CAMKMT: variants seen among roughly 807,000 people sequenced by gnomAD.
CAMKMT encodes the protein calmodulin-lysine N-methyltransferase, also known as CaM KMT.
A neutral mutation model predicts 48.0 loss-of-function variants in CAMKMT; 53 were observed. That is an observed-to-expected ratio of 1.10 (90% CI 0.89 to 1.39). The LOEUF is 1.39. Among genes scored for constraint, CAMKMT ranks in the 40% most tolerant of loss-of-function variants. The probability of loss-of-function intolerance (pLI) is 0.00; values close to 1 mark genes in which losing one functional copy is unlikely to be tolerated. For synonymous variants in CAMKMT, 165 were observed against 152.3 expected (o/e 1.08, Z -0.61); for missense variants, 428 against 402.7 (o/e 1.06, Z -0.54).
At chr2:44,631,253 G>A (rs558240703) in intron 3 of CAMKMT, among the ~76,000 whole-genome samples, 82 of 152,230 alleles carry the variant, frequency 5.4e-4, no homozygotes, top group Admixed American at 2.1e-3. Context: ...GTTGTTGGGT[G>A]GGGGTAAGGG....
At chr2:44,768,272 G>C (rs1204024249) in intron 10 of CAMKMT, among the ~76,000 whole-genome samples, 1 of 151,038 alleles carries the variant, frequency 6.6e-6, no homozygotes, top group African/African-American at 2.4e-5. Context: ...GGTGGGGAGA[G>C]TGTAGAACCC....
At chr2:44,473,731 A>G (rs938876531) in intron 3 of CAMKMT, among the ~76,000 whole-genome samples, 7 of 152,242 alleles carry the variant, frequency 4.6e-5, no homozygotes, top group Non-Finnish European at 7.3e-5. Context: ...TTAATGTAGA[A>G]TAAGTATGGT....
intron 3 of CAMKMT, among the ~76,000 whole-genome samples, chr2:44,434,226 AT>A (rs35979525): frequency 1.1e-3 from 158 of 147,126 alleles, no homozygotes; most frequent in Admixed American, 1.1e-3. Flanking sequence ...TTTGTGAGGG[AT>A]TTTTTTTTTT....
At chr2:44,595,126 G>A (rs1349718465) in intron 3 of CAMKMT, among the ~76,000 whole-genome samples, 1 of 152,166 alleles carries the variant, frequency 6.6e-6, no homozygotes, top group African/African-American at 2.4e-5. Context: ...CAGTTAGAAT[G>A]GTGATCATTA....
At chr2:44,406,491 T>TTG (rs34091267) in intron 3 of CAMKMT, among the ~76,000 whole-genome samples, 112,443 of 151,282 alleles carry the variant, frequency 0.74, 42,742 homozygotes, top group African/African-American at 0.87. Flanking sequence ...CCCAGTGTCT[T>TTG]TGTGTGTGTG....
chr2:44,604,223 C>T (rs534386091), intron 3 of CAMKMT, among the ~76,000 whole-genome samples: 1 of 152,274 alleles, frequency 6.6e-6, no homozygotes, highest in African/African-American at 2.4e-5. Context: ...TAATCATTTT[C>T]TTAAAATCTG....
chr2:44,462,779 A>G (rs1461323819), intron 3 of CAMKMT, among the ~76,000 whole-genome samples: 1 of 152,166 alleles, frequency 6.6e-6, no homozygotes, highest in Non-Finnish European at 1.5e-5. Flanking sequence ...ATTTAGAAAA[A>G]AAAATGCTTC....
chr2:44,732,950 G>A (rs1320030074), intron 7 of CAMKMT, among the ~76,000 whole-genome samples: 1 of 152,120 alleles, frequency 6.6e-6, no homozygotes, highest in African/African-American at 2.4e-5. Flanking sequence ...TTACCAATTT[G>A]TTCTTTTAAG....
chr2:44,581,488 C>A (rs1433384016), intron 3 of CAMKMT, among the ~76,000 whole-genome samples: 1 of 152,170 alleles, frequency 6.6e-6, no homozygotes, highest in Non-Finnish European at 1.5e-5. Context: ...TATGTGTATA[C>A]TGACAGATCT....
chr2:44,380,960 G>C (rs372110310), intron 2 of CAMKMT, among the ~76,000 whole-genome samples: 2 of 152,132 alleles, frequency 1.3e-5, no homozygotes, highest in Admixed American at 1.3e-4. Context: ...AGGAGTTTGA[G>C]ACCAGCCTGG....
intron 3 of CAMKMT, among the ~76,000 whole-genome samples, chr2:44,508,501 C>T (rs1670372423): frequency 6.6e-6 from 1 of 152,136 alleles, no homozygotes; most frequent in Non-Finnish European, 1.5e-5. Flanking sequence ...TTCTTTCCTT[C>T]CCTCACACTC....
At chr2:44,762,475 G>A (rs746352436) in intron 9 of CAMKMT, among the ~76,000 whole-genome samples, 69 of 152,154 alleles carry the variant, frequency 4.5e-4, no homozygotes, top group Non-Finnish European at 1.6e-4. Flanking sequence ...GCATTTTATT[G>A]GCATAGCATA....
chr2:44,531,345 A>G (rs1485515031), intron 3 of CAMKMT, among the ~76,000 whole-genome samples: 1 of 152,130 alleles, frequency 6.6e-6, no homozygotes, highest in East Asian at 1.9e-4. Flanking sequence ...TCTTTTAAAA[A>G]TTGTCCTCTT....
At chr2:44,362,886 G>C (rs566407435) in intron 1 of CAMKMT, among the ~76,000 whole-genome samples, 3 of 152,112 alleles carry the variant, frequency 2.0e-5, no homozygotes, top group African/African-American at 7.2e-5. Flanking sequence ...CACATTCTTC[G>C]CTCACTTCTT....
chr2:44,485,989 G>A (rs1669197935), intron 3 of CAMKMT, among the ~76,000 whole-genome samples: 1 of 151,924 alleles, frequency 6.6e-6, no homozygotes, highest in Admixed American at 6.6e-5. Context: ...TTTTGAGATG[G>A]AGTCTCACTC....
intron 3 of CAMKMT, among the ~76,000 whole-genome samples, chr2:44,495,347 G>A (rs975900767): frequency 1.3e-5 from 2 of 151,842 alleles, no homozygotes; most frequent in South Asian, 2.1e-4. Flanking sequence ...TCTTGCTATG[G>A]TGCCCAGGCT....
At chr2:44,558,130 C>G (rs767451599) in intron 3 of CAMKMT, among the ~76,000 whole-genome samples, 23 of 152,116 alleles carry the variant, frequency 1.5e-4, no homozygotes, top group Non-Finnish European at 3.2e-4. Context: ...ATATAGCTCA[C>G]TGCAGCCTCG....
At chr2:44,502,432 C>T (rs1427569480) in intron 3 of CAMKMT, among the ~76,000 whole-genome samples, 1 of 152,116 alleles carries the variant, frequency 6.6e-6, no homozygotes, top group East Asian at 1.9e-4. Context: ...TGCCCTTGTA[C>T]CCTTTTAACT....
At position 44,618,080 on chromosome 2, in the gene CAMKMT, A is replaced by G. The variant is rs1159752340; in HGVS notation, c.377-86203A>G. Among the ~76,000 whole-genome samples the G allele has an allele frequency of 1.3e-5, 2 of 152,298 alleles. No individual in the cohort carries two copies. Among genetic ancestry groups the G allele is most frequent in the African/African-American group, 2.4e-5 (1 of 41,568 alleles). ...CTAGTAGTTAAACTGATTTTAATGG[A>G]TGAATTTTCATTTAAAAGTAAAAAA... On this transcript the variant is annotated intron_variant, in intron 3 of 10. Coordinates refer to ENST00000378494, the MANE Select transcript of CAMKMT (RefSeq NM_024766.5). This position sits in a 1 kb window ranked among gnomAD's most constrained non-coding sequence, Gnocchi z 4.0.
Sources: gnomAD v4.1 joint callset for allele counts (sites outside exome capture counted in the v4.1 genomes callset) on GRCh38, gnomAD v4.1.1 for gene constraint, Gnocchi (gnomAD v3.1) non-coding constraint, MANE v1.5 for transcripts, NCBI Gene and HGNC (gene_info 2026-07-23, HGNC 2026-07-21) for gene names.